Variants in SUMF1 observed in about 807,000 individuals in gnomAD.
The protein encoded by SUMF1 is formylglycine-generating enzyme.
Under a neutral mutation model 47.6 loss-of-function variants are expected in SUMF1, and 48 were observed. That is an observed-to-expected ratio of 1.01 (90% CI 0.80 to 1.28). SUMF1 has a LOEUF of 1.28. SUMF1 is among the 50% of genes most tolerant of loss of function. SUMF1 has a pLI of 0.00. For missense variants in SUMF1, 571 were observed against 485.4 expected, an observed-to-expected ratio of 1.18 and a Z score of -1.66; for synonymous variants, 230 against 192.1, an observed-to-expected ratio of 1.20 and a Z score of -1.63.
intron 8 of SUMF1, among the ~76,000 whole-genome samples, chr3:4,106,615 G>T (rs1693164311): frequency 6.6e-6 from 1 of 152,030 alleles, no homozygotes; most frequent in South Asian, 2.1e-4. Flanking sequence ...GAAATAACGA[G>T]AAACTTGAAG....
chr3:4,396,312 C>T (rs902004266), intron 7 of SUMF1, among the ~76,000 whole-genome samples: 11 of 152,332 alleles, frequency 7.2e-5, no homozygotes, highest in African/African-American at 2.6e-4. Context: ...TAGTTTCAGA[C>T]ACACAAACCT....
At chr3:4,466,801 G>A (rs1428733919) in intron 1 of SUMF1, among the ~76,000 whole-genome samples, 175 bp downstream of exon 1, 1 of 152,198 alleles carries the variant, frequency 6.6e-6, no homozygotes, top group Non-Finnish European at 1.5e-5. Context: ...TCAATTAAAT[G>A]GAGTCTTCCG....
chr3:4,233,626 C>G (rs777929863), intron 8 of SUMF1, among the ~76,000 whole-genome samples: 2 of 152,036 alleles, frequency 1.3e-5, no homozygotes, highest in Non-Finnish European at 1.5e-5. Flanking sequence ...TTTAGAAAGG[C>G]CTTAAAATAC....
intron 8 of SUMF1, among the ~76,000 whole-genome samples, chr3:4,177,919 G>A (rs968060239): frequency 9.2e-5 from 14 of 152,160 alleles, no homozygotes; most frequent in East Asian, 3.9e-4. Flanking sequence ...ACACCTCTAC[G>A]CAAATAAACT....
At chr3:4,199,131 C>T (rs1443341086) in intron 8 of SUMF1, among the ~76,000 whole-genome samples, 1 of 152,098 alleles carries the variant, frequency 6.6e-6, no homozygotes, top group Non-Finnish European at 1.5e-5. Flanking sequence ...CAAAAAGTTG[C>T]CTTGTATCCA....
chr3:4,423,281 C>CAT (rs1286223298), intron 3 of SUMF1, among the ~76,000 whole-genome samples: 3 of 49,882 alleles, frequency 6.0e-5, no homozygotes, highest in Admixed American at 2.1e-4. Context: ...AACTGTGATA[C>CAT]ACACACACAC....
chr3:4,401,444 A>C (rs794190), intron 7 of SUMF1, among the ~76,000 whole-genome samples: 41,109 of 151,916 alleles, frequency 0.27, 6,537 homozygotes, highest in Non-Finnish European at 0.36. Context: ...CATTTTAAAA[A>C]CACCCTCTTA....
intron 8 of SUMF1, among the ~76,000 whole-genome samples, chr3:4,351,566 C>T (rs932681017): frequency 1.3e-5 from 2 of 152,148 alleles, no homozygotes; most frequent in African/African-American, 2.4e-5. Flanking sequence ...TGATAATGCA[C>T]CTTTTGATCA....
At chr3:4,196,636 A>G (rs937184776) in intron 8 of SUMF1, among the ~76,000 whole-genome samples, 3 of 151,800 alleles carry the variant, frequency 2.0e-5, no homozygotes, top group African/African-American at 7.3e-5. Flanking sequence ...ACTATTCTAC[A>G]CTCTGACTTA....
intron 8 of SUMF1, among the ~76,000 whole-genome samples, chr3:4,089,405 GC>G (rs1313838486): frequency 1.3e-5 from 2 of 152,078 alleles, no homozygotes; most frequent in African/African-American, 2.4e-5. Flanking sequence ...AATAAGGAAA[GC>G]TACTTGCTCT....
intron 8 of SUMF1, among the ~76,000 whole-genome samples, chr3:4,364,810 T>C (rs1699893669): frequency 6.6e-6 from 1 of 152,010 alleles, no homozygotes; most frequent in African/African-American, 2.4e-5. Context: ...CTTTTAATTG[T>C]GATGTTAGGG....
chr3:4,247,198 A>G (rs989328924), intron 8 of SUMF1, among the ~76,000 whole-genome samples: 2 of 152,202 alleles, frequency 1.3e-5, no homozygotes, highest in Non-Finnish European at 2.9e-5. Context: ...ACCAGAGTCA[A>G]GGCCAAGTAA....
rs993183527 is a variant in SUMF1, at chr3:4,109,976, G to A, written c.1015-41231C>T. Among the ~76,000 whole-genome samples the A allele has an allele frequency of 1.4e-4, 22 of 152,220 alleles. No homozygotes were observed. In the East Asian group the frequency reaches 1.9e-3, roughly 13 times the overall value. On this transcript the variant is annotated intron_variant and NMD_transcript_variant, in intron 8 of 12. Transcript: ENST00000448413. Reference sequence around the variant, plus strand: ...TGGTCCGTTGCTGGTGAGGAGCTGCGTTCCTTTGGAGGAGGAGAGGCGCTC... The same window carrying A: ...TGGTCCGTTGCTGGTGAGGAGCTGCATTCCTTTGGAGGAGGAGAGGCGCTC...
At chr3:4,077,154 C>A (rs1242560420) in intron 8 of SUMF1, among the ~76,000 whole-genome samples, 1 of 152,076 alleles carries the variant, frequency 6.6e-6, no homozygotes, top group Non-Finnish European at 1.5e-5. Context: ...AGTCAGGAAA[C>A]AACAGACGCT....
At chr3:4,376,891 G>C (rs1397084758) in intron 7 of SUMF1, among the ~76,000 whole-genome samples, 1 of 152,044 alleles carries the variant, frequency 6.6e-6, no homozygotes, top group Non-Finnish European at 1.5e-5. Flanking sequence ...GACCACCTGG[G>C]CTCAAGCAAT....
intron 1 of SUMF1, among the ~76,000 whole-genome samples, chr3:4,466,585 A>C (rs1271349472): frequency 6.6e-6 from 1 of 152,184 alleles, no homozygotes; most frequent in East Asian, 1.9e-4. Context: ...ACTCGAGGAG[A>C]CTACAGATAA....
intron 7 of SUMF1, among the ~76,000 whole-genome samples, chr3:4,398,382 G>A (rs1259284264): frequency 1.3e-5 from 2 of 151,902 alleles, no homozygotes; most frequent in East Asian, 1.9e-4. Context: ...TATTAAAAAG[G>A]CATCCACACA....
Position 4,467,154 on chromosome 3 carries a change from G to A in SUMF1, c.92C>T (p.Ala31Val), listed in dbSNP as rs1171986908. The change falls in exon 1 of 9, where the codon GCG becomes GTG. Residue 31 changes from alanine (A) to valine (V), a missense_variant. Transcript: ENST00000272902. ...LLLLLSLLCGAAGSQEAGTGA... is the reference protein window; with the variant it reads ...LLLLLSLLCGVAGSQEAGTGA... ...GGTCCCGGCCTCCTGGCTCCCTGCC[G>A]CTCCACACAGCAGCGAGAGCAGCAG... 3 of 1,593,472 alleles carry A rather than the reference G, an allele frequency of 1.9e-6. No homozygotes were observed. Among genetic ancestry groups the A allele is most frequent in the South Asian group, 1.1e-5 (1 of 88,322 alleles).
intron 8 of SUMF1, among the ~76,000 whole-genome samples, chr3:4,122,411 T>C (rs778757236): frequency 6.6e-6 from 1 of 151,974 alleles, no homozygotes; most frequent in Non-Finnish European, 1.5e-5. Flanking sequence ...ATGTGGGAAA[T>C]AGGAAGTAAG....
Sources: gnomAD v4.1 joint callset for allele counts (sites outside exome capture counted in the v4.1 genomes callset) on GRCh38, gnomAD v4.1.1 for gene constraint, MANE v1.5 for transcripts, NCBI Gene and HGNC (gene_info 2026-07-23, HGNC 2026-07-21) for gene names.